Variants in SSBP2 observed in about 807,000 individuals in gnomAD.
The protein encoded by SSBP2 is single stranded DNA binding protein 2.
A neutral mutation model predicts 61.8 loss-of-function variants in SSBP2; 17 were observed. The ratio of observed to expected loss-of-function variants is 0.28; its 90% confidence interval spans 0.19 to 0.41. The LOEUF is 0.41. Among genes scored for constraint, SSBP2 ranks in the 10% least tolerant of loss-of-function variants. The probability of loss-of-function intolerance (pLI) is 1.00; values close to 1 mark genes in which losing one functional copy is unlikely to be tolerated. For synonymous variants in SSBP2, 139 were observed against 141.3 expected (o/e 0.98, Z 0.12); for missense variants, 310 against 458.7 (o/e 0.68, Z 2.96).
At chr5:81,653,567 G>A (rs1004113446) in intron 1 of SSBP2, among the ~76,000 whole-genome samples, 5 of 152,160 alleles carry the variant, frequency 3.3e-5, no homozygotes, top group African/African-American at 1.2e-4. Context: ...CCCACCAACA[G>A]TGTAAAAGTG....
chr5:81,431,762 G>A (rs1762306466), intron 15 of SSBP2, among the ~76,000 whole-genome samples: 1 of 151,974 alleles, frequency 6.6e-6, no homozygotes, highest in Admixed American at 6.6e-5. Flanking sequence ...TTTTTAAAAT[G>A]TTCTGCAGAG....
chr5:81,650,829 C>A (rs1156584908), intron 1 of SSBP2, among the ~76,000 whole-genome samples: 1 of 152,132 alleles, frequency 6.6e-6, no homozygotes, highest in Non-Finnish European at 1.5e-5. Context: ...TGCTCAGCAA[C>A]TTCTCCTTAT....
intron 8 of SSBP2, 93 bp from the exon 9 acceptor site, chr5:81,467,158 G>T (rs1434698225): frequency 2.8e-6 from 2 of 721,826 alleles, no homozygotes; most frequent in Non-Finnish European, 4.6e-6. Context: ...ATTGGATAAG[G>T]CCTGTGTAAT....
intron 1 of SSBP2, among the ~76,000 whole-genome samples, chr5:81,675,519 A>G (rs1424903059): frequency 4.6e-5 from 7 of 152,214 alleles, no homozygotes; most frequent in Non-Finnish European, 1.0e-4. Context: ...ATACCTAGAC[A>G]GCTTCACGAA....
intron 4 of SSBP2, among the ~76,000 whole-genome samples, chr5:81,559,051 C>T (rs749406906): frequency 3.0e-4 from 45 of 152,246 alleles, no homozygotes; most frequent in Admixed American, 1.1e-3. Context: ...GTCAAGAGAT[C>T]GAGGCCAGTC....
chr5:81,542,498 G>T (rs1771350701), intron 4 of SSBP2, among the ~76,000 whole-genome samples: 1 of 151,982 alleles, frequency 6.6e-6, no homozygotes, highest in African/African-American at 2.4e-5. Context: ...CAAAGACATG[G>T]TATCAACCTA....
intron 4 of SSBP2, among the ~76,000 whole-genome samples, chr5:81,604,712 C>A (rs970659852): frequency 1.1e-4 from 17 of 152,276 alleles, no homozygotes; most frequent in Admixed American, 6.5e-4. Flanking sequence ...GTCTTGCTTA[C>A]ATTTTTAATA....
rs5869085 is a variant in SSBP2 at position 81,737,294 on chromosome 5, T to TA, written c.62+13686dup. ...CCCCTCCTTGCAAAATTCTCCAAGT[T>TA]AAAAAAAAAAAAAAAAAAAAGTATG... On this transcript the variant is annotated intron_variant, in intron 1 of 16. Coordinates refer to ENST00000320672, the MANE Select transcript of SSBP2 (RefSeq NM_012446.5). Among the ~76,000 whole-genome samples, 171 of 139,054 alleles carry TA rather than the reference T, an allele frequency of 1.2e-3. 2 individuals are homozygous for TA. The highest frequency in any genetic ancestry group is 4.9e-3 in the Admixed American group (69 of 14,028). The allele number at this position is 139,054 out of a possible 152,430, so 91.2% of individuals were successfully genotyped here.
intron 4 of SSBP2, 56 bp downstream of exon 4, chr5:81,615,417 C>T (rs981866223): frequency 8.1e-7 from 1 of 1,227,724 alleles, no homozygotes; most frequent in Non-Finnish European, 1.2e-6. Context: ...TTTTTAAGAG[C>T]AGTGGTTAAA....
rs533583594 is a variant in SSBP2 at position 81,693,220 on chromosome 5, A to G, written c.63-42881T>C. Reference sequence around the variant, plus strand: ...TTTGTCTTAAAAAAAAAAAAAAAAAAAAAGAAAGAAAATATTGAGGAAACT... The same window carrying G: ...TTTGTCTTAAAAAAAAAAAAAAAAAGAAAGAAAGAAAATATTGAGGAAACT... On this transcript the variant is annotated intron_variant, in intron 1 of 16. Transcript: ENST00000320672. Among the ~76,000 whole-genome samples, 122 of 151,478 alleles carry G rather than the reference A, an allele frequency of 8.1e-4. 1 individual carries two copies. The highest frequency in any genetic ancestry group is 6.8e-3 in the Middle Eastern group (2 of 294).
chr5:81,714,610 G>C (rs976506790), intron 1 of SSBP2, among the ~76,000 whole-genome samples: 1 of 152,162 alleles, frequency 6.6e-6, no homozygotes, highest in Non-Finnish European at 1.5e-5. Context: ...GCATGAGATG[G>C]TATCTCATTG....
chr5:81,750,629 C>G (rs1240857675), intron 1 of SSBP2: 2 of 212,520 alleles, frequency 9.4e-6, no homozygotes, highest in Non-Finnish European at 1.9e-5. Flanking sequence ...CTCCCCAGGT[C>G]CCCGGAGCCC....
At chr5:81,720,536 T>C (rs1002713880) in intron 1 of SSBP2, among the ~76,000 whole-genome samples, 4 of 152,226 alleles carry the variant, frequency 2.6e-5, no homozygotes, top group African/African-American at 9.6e-5. Flanking sequence ...TCTGTTTAAA[T>C]GTTTGCATAA....
chr5:81,548,371 AT>A (rs1771912782), intron 4 of SSBP2, among the ~76,000 whole-genome samples: 1 of 152,144 alleles, frequency 6.6e-6, no homozygotes, highest in Admixed American at 6.5e-5. Flanking sequence ...AGAGGGGTAT[AT>A]GGGAAACCTC....
At chr5:81,562,463 T>A (rs1253399222) in intron 4 of SSBP2, among the ~76,000 whole-genome samples, 5 of 152,126 alleles carry the variant, frequency 3.3e-5, no homozygotes, top group Non-Finnish European at 7.4e-5. Context: ...GCCAAATTAT[T>A]GACACTAAAA....
At chr5:81,594,183 G>A (rs1743452591) in intron 4 of SSBP2, among the ~76,000 whole-genome samples, 1 of 152,074 alleles carries the variant, frequency 6.6e-6, no homozygotes, top group South Asian at 2.1e-4. Context: ...AAAGGCAGGG[G>A]TTGCAATCCT....
chr5:81,575,783 A>G (rs12187063), intron 4 of SSBP2, among the ~76,000 whole-genome samples: 1,848 of 152,314 alleles, frequency 0.012, 16 homozygotes, highest in Middle Eastern at 0.048. Context: ...AGGACAAAAA[A>G]CAAGATATAT....
intron 1 of SSBP2, among the ~76,000 whole-genome samples, chr5:81,743,460 T>C (rs1468289951): frequency 6.6e-6 from 1 of 152,218 alleles, no homozygotes; most frequent in Admixed American, 6.5e-5. Flanking sequence ...TATATATGAC[T>C]ATTTGAAGTT....
chr5:81,519,725 T>C (rs1206325944), intron 4 of SSBP2, among the ~76,000 whole-genome samples: 1 of 152,134 alleles, frequency 6.6e-6, no homozygotes, highest in Non-Finnish European at 1.5e-5. Context: ...AATCTCTGGA[T>C]GACTTCGTGG....
Sources: allele counts gnomAD v4.1 joint callset (sites outside exome capture counted in the v4.1 genomes callset), GRCh38; gene constraint gnomAD v4.1.1; transcripts MANE v1.5; gene names NCBI Gene and HGNC (gene_info 2026-07-23, HGNC 2026-07-21).